Variants in ALX4 observed in about 807,000 individuals in gnomAD.
ALX4 encodes ALX homeobox 4.
Under a neutral mutation model 40.6 loss-of-function variants are expected in ALX4, and 22 were observed. The ratio of observed to expected loss-of-function variants is 0.54; its 90% confidence interval spans 0.39 to 0.77. ALX4 has a LOEUF of 0.77. ALX4 is among the 30% of genes least tolerant of loss of function. The pLI is 0.00. For synonymous variants in ALX4, 266 were observed against 240.5 expected, an observed-to-expected ratio of 1.11 and a Z score of -0.98; for missense variants, 556 against 564.8, an observed-to-expected ratio of 0.98 and a Z score of 0.16.
chr11:44,279,090 T>G (rs936549694), intron 1 of ALX4, among the ~76,000 whole-genome samples: 3 of 152,180 alleles, frequency 2.0e-5, no homozygotes, highest in African/African-American at 7.2e-5. Flanking sequence ...AGGCTGTCTA[T>G]GTCCACCTCT....
At chr11:44,266,184 C>T (rs1016314931) in intron 3 of ALX4, among the ~76,000 whole-genome samples, 2 of 152,154 alleles carry the variant, frequency 1.3e-5, no homozygotes, top group African/African-American at 4.8e-5. Context: ...CCATCACCCC[C>T]TCTCAGAAGA....
chr11:44,271,747 A>T (rs540355880), intron 2 of ALX4, among the ~76,000 whole-genome samples: 1 of 152,208 alleles, frequency 6.6e-6, no homozygotes, highest in East Asian at 1.9e-4. Context: ...ACTCTGTTTT[A>T]GTTGTATGGT....
intron 1 of ALX4, among the ~76,000 whole-genome samples, chr11:44,287,696 G>C (rs1240378326): frequency 6.6e-6 from 1 of 152,138 alleles, no homozygotes; most frequent in Non-Finnish European, 1.5e-5. Flanking sequence ...GGCCCTCCTG[G>C]GGTGGATGCT....
chr11:44,278,011 GT>G (rs34077997), intron 1 of ALX4, among the ~76,000 whole-genome samples: 52,610 of 141,902 alleles, frequency 0.37, 9,455 homozygotes, highest in Admixed American at 0.42. Flanking sequence ...TATGTTTTAG[GT>G]TTTTTTTTTT....
rs56098274 is a variant in ALX4 at position 44,291,418 on chromosome 11, C to CTTTT, written c.467-15764_467-15761dup. Among the ~76,000 whole-genome samples, 6 of 148,934 alleles carry CTTTT rather than the reference C, an allele frequency of 4.0e-5. 1 individual carries two copies. Among genetic ancestry groups the CTTTT allele is most frequent in the African/African-American group, 7.4e-5 (3 of 40,450 alleles). ...ATTGAATTTCTTTCTTTCTTTCTTT[C>CTTTT]TTTTTTTGGAGACAGGGTCTTGCTC... On this transcript the variant is annotated intron_variant, in intron 1 of 3. Transcript: ENST00000652299.
chr11:44,295,630 C>A (rs1004819596), intron 1 of ALX4, among the ~76,000 whole-genome samples: 3 of 152,204 alleles, frequency 2.0e-5, no homozygotes, highest in South Asian at 2.1e-4. Context: ...GTTGCAAGTG[C>A]CTCTTTTGGG....
chr11:44,295,105 C>T (rs1449566246), intron 1 of ALX4, among the ~76,000 whole-genome samples: 1 of 152,152 alleles, frequency 6.6e-6, no homozygotes, highest in Non-Finnish European at 1.5e-5. Context: ...CCTGCCTCGG[C>T]CTCCCAAAGT....
Position 44,264,917 on chromosome 11 carries a change from C to T in ALX4, c.1173G>A (p.Ser391=), listed in dbSNP as rs753493510. 1.2e-5 allele frequency: 20 copies of T among 1,612,920 alleles called. No homozygotes were observed. The highest frequency in any genetic ancestry group is 2.2e-5 in the South Asian group (2 of 91,006). The change falls in exon 4 of 4, where the codon TCG becomes TCA. Residue 391 remains serine (S), a synonymous_variant. Transcript: ENST00000652299. ...CCTTCATGCGGAGGGCCGCGATGCT[C>T]GAGGTCTTGCGGTCCGGCTCGCCGT... is the stretch of plus-strand genomic sequence containing the variant. ...ELNGEPDRKT[S]SIAALRMKAK... is the part of the protein sequence containing the mutation.
chr11:44,299,848 T>C (rs1230144829), intron 1 of ALX4, among the ~76,000 whole-genome samples: 1 of 152,214 alleles, frequency 6.6e-6, no homozygotes, highest in African/African-American at 2.4e-5. Flanking sequence ...TTATCTTCCA[T>C]GAACCTCAGT....
intron 1 of ALX4, among the ~76,000 whole-genome samples, chr11:44,297,942 G>A (rs753411676): frequency 1.3e-5 from 2 of 152,066 alleles, no homozygotes; most frequent in Admixed American, 6.5e-5. Flanking sequence ...GGTCCACTTC[G>A]AATGTCCATG....
intron 2 of ALX4, 71 bp from the exon 3 acceptor site, chr11:44,267,693 C>T: frequency 6.2e-7 from 1 of 1,605,476 alleles, no homozygotes; most frequent in Non-Finnish European, 8.5e-7. Flanking sequence ...TCAGGCAGTG[C>T]AAACTGTTCC....
chr11:44,303,028 G>A (rs140782547), intron 1 of ALX4, among the ~76,000 whole-genome samples: 1 of 146,864 alleles, frequency 6.8e-6, no homozygotes, highest in East Asian at 2.1e-4. Flanking sequence ...AAAGGTGGAG[G>A]CTGGGGTGAT....
At chr11:44,288,170 G>A (rs1956350082) in intron 1 of ALX4, among the ~76,000 whole-genome samples, 1 of 152,108 alleles carries the variant, frequency 6.6e-6, no homozygotes, top group Admixed American at 6.5e-5. Flanking sequence ...TTACAGGCAT[G>A]AGCCACTGCG....
chr11:44,291,418 C>CTTTTTCT (rs1956368551), intron 1 of ALX4, among the ~76,000 whole-genome samples: 3 of 148,950 alleles, frequency 2.0e-5, no homozygotes. Flanking sequence ...TTCTTTCTTT[C>CTTTTTCT]TTTTTTTGGA....
intron 1 of ALX4, among the ~76,000 whole-genome samples, chr11:44,280,196 A>G (rs530739188): frequency 8.5e-5 from 13 of 152,336 alleles, no homozygotes; most frequent in Non-Finnish European, 1.5e-4. Flanking sequence ...AGACCCAGAC[A>G]GACCTTGAGC....
chr11:44,305,449 G>A (rs78552725), intron 1 of ALX4, among the ~76,000 whole-genome samples: 1 of 152,164 alleles, frequency 6.6e-6, no homozygotes, highest in Non-Finnish European at 1.5e-5. Flanking sequence ...TCCTGAGCAG[G>A]CTTCAGTCCC....
At chr11:44,277,672 G>C (rs1956285700) in intron 1 of ALX4, among the ~76,000 whole-genome samples, 1 of 152,154 alleles carries the variant, frequency 6.6e-6, no homozygotes, top group African/African-American at 2.4e-5. Flanking sequence ...CTCATTCCTG[G>C]CTTTCTGTGC....
At chr11:44,282,687 G>T (rs182973660) in intron 1 of ALX4, among the ~76,000 whole-genome samples, 62 of 152,310 alleles carry the variant, frequency 4.1e-4, no homozygotes, top group African/African-American at 1.4e-3. Flanking sequence ...GAATCTGAAA[G>T]GTGGCCTTAG....
chr11:44,305,693 A>G (rs1256009722), intron 1 of ALX4, among the ~76,000 whole-genome samples: 6 of 152,224 alleles, frequency 3.9e-5, no homozygotes, highest in African/African-American at 1.2e-4. Flanking sequence ...GTCTAATTCG[A>G]AAAATCGGGA....
Sources: allele counts gnomAD v4.1 joint callset (sites outside exome capture counted in the v4.1 genomes callset), GRCh38; gene constraint gnomAD v4.1.1; transcripts MANE v1.5; gene names NCBI Gene and HGNC (gene_info 2026-07-23, HGNC 2026-07-21).